Variants in VPS8 observed in about 807,000 individuals in gnomAD.
VPS8 encodes the protein VPS8 subunit of CORVET complex, also known as vacuolar protein sorting-associated protein 8 homolog.
A neutral mutation model predicts 216.4 loss-of-function variants in VPS8; 129 were observed. That is an observed-to-expected ratio of 0.60 (90% CI 0.52 to 0.69). VPS8 has a LOEUF of 0.69. Among genes scored for constraint, VPS8 ranks in the 30% least tolerant of loss-of-function variants. VPS8 has a pLI of 0.00. For synonymous variants in VPS8, 571 were observed against 565.4 expected, an observed-to-expected ratio of 1.01 and a Z score of -0.14; for missense variants, 1,531 against 1,683.5, an observed-to-expected ratio of 0.91 and a Z score of 1.59.
At chr3:184,885,659 C>T (rs774649903) in intron 21 of VPS8, among the ~76,000 whole-genome samples, 3 of 152,000 alleles carry the variant, frequency 2.0e-5, no homozygotes, top group East Asian at 1.9e-4. Flanking sequence ...ATCTGTGAGA[C>T]GAATGCATAT....
At chr3:184,910,832 A>G (rs1440474924) in intron 25 of VPS8, among the ~76,000 whole-genome samples, 2 of 152,114 alleles carry the variant, frequency 1.3e-5, no homozygotes, top group Non-Finnish European at 2.9e-5. Flanking sequence ...TCCTCCCCCA[A>G]ATGAGGCTGA....
rs762240538 is a variant in VPS8 at position 184,853,898 on chromosome 3, T to G, written c.863T>G (p.Phe288Cys). 1.9e-6 allele frequency: 3 copies of G among 1,601,626 alleles called. No individual in the cohort carries two copies. The highest frequency in any genetic ancestry group is 2.6e-6 in the Non-Finnish European group (3 of 1,173,672). ...AGAACCTGTGAATCTAGATGTCTGT[T>G]CAGTGGTTCCAAGGGTGAAGTCTGC... ...GVRTCESRCLFSGSKGEVCCI... is the reference protein window; with the variant it reads ...GVRTCESRCLCSGSKGEVCCI... Residue 288 changes from phenylalanine (F) to cysteine (C), a missense_variant, in exon 12 of 48, where the codon TTC becomes TGC. Physicochemically the swap from Phe to Cys is radical, Grantham distance 205. Coordinates refer to ENST00000625842, the MANE Select transcript of VPS8 (RefSeq NM_001009921.3).
At chr3:184,993,934 T>G (rs996258393) in intron 42 of VPS8, 49 bp from the exon 43 acceptor site, 2 of 1,396,144 alleles carry the variant, frequency 1.4e-6, no homozygotes, top group Admixed American at 2.7e-5. Context: ...CATTTTAAAG[T>G]AATTTTAAAA....
chr3:184,817,953 G>A (rs1043122785), intron 1 of VPS8, among the ~76,000 whole-genome samples: 2 of 152,192 alleles, frequency 1.3e-5, no homozygotes, highest in African/African-American at 4.8e-5. Context: ...GAATTCAGAG[G>A]ATGGTTAGGG....
chr3:184,885,943 GT>G, intron 21 of VPS8, 166 bp from the exon 22 acceptor site: 1 of 600,982 alleles, frequency 1.7e-6, no homozygotes. Context: ...AGGTCAAAAT[GT>G]TCTGTTTTTC....
chr3:184,931,239 G>A (rs955158151), intron 34 of VPS8, among the ~76,000 whole-genome samples: 3 of 151,894 alleles, frequency 2.0e-5, no homozygotes, highest in Non-Finnish European at 4.4e-5. Context: ...TAGCAGTTTT[G>A]TTGAAATCTC....
intron 46 of VPS8, among the ~76,000 whole-genome samples, chr3:185,029,403 A>G (rs1757801481): frequency 6.6e-6 from 1 of 152,208 alleles, no homozygotes; most frequent in Non-Finnish European, 1.5e-5. Flanking sequence ...CCCTGCCAAG[A>G]GCTGGATTCA....
chr3:184,878,680 C>T (rs972161621), intron 21 of VPS8, among the ~76,000 whole-genome samples: 8 of 152,112 alleles, frequency 5.3e-5, no homozygotes, highest in African/African-American at 1.9e-4. Flanking sequence ...ATTGCCCTAT[C>T]CCTGAGGCTT....
chr3:184,985,895 T>C (rs1206696310), intron 42 of VPS8, among the ~76,000 whole-genome samples: 1 of 152,084 alleles, frequency 6.6e-6, no homozygotes, highest in Non-Finnish European at 1.5e-5. Context: ...ATGGATACAA[T>C]GCATAAAGAG....
At chr3:184,886,492 C>T (rs1311775547) in intron 22 of VPS8, among the ~76,000 whole-genome samples, 4 of 150,330 alleles carry the variant, frequency 2.7e-5, no homozygotes, top group Non-Finnish European at 4.4e-5. Context: ...CGCATATATA[C>T]ACACACATAT....
rs1164570895 is a variant in VPS8 at position 184,868,970 on chromosome 3, G to A, written c.1531G>A (p.Asp511Asn). Residue 511 changes from aspartate to asparagine, a missense_variant, in exon 19 of 48, where the codon GAT (aspartate) becomes AAT (asparagine). Coordinates refer to ENST00000625842, the MANE Select transcript of VPS8 (RefSeq NM_001009921.3). ...RERVDHLLKQ[D>N]CLTEALALAW... Reference sequence around the variant, plus strand: ...GAGAGTGGATCATCTCCTGAAACAAGATTGTCTTACAGAAGCGTTGGCTCT... The same window carrying A: ...GAGAGTGGATCATCTCCTGAAACAAAATTGTCTTACAGAAGCGTTGGCTCT... 6.2e-7 allele frequency: 1 copy of A among 1,610,266 alleles called. No individual in the cohort carries two copies. Among genetic ancestry groups the A allele is most frequent in the East Asian group, 2.2e-5 (1 of 44,766 alleles).
chr3:184,997,390 A>C (rs1460537780), intron 44 of VPS8, among the ~76,000 whole-genome samples: 1 of 152,224 alleles, frequency 6.6e-6, no homozygotes, highest in Non-Finnish European at 1.5e-5. Context: ...GGATTGAATG[A>C]GATGATTTAT....
chr3:185,024,089 G>A (rs1757026100), intron 45 of VPS8, among the ~76,000 whole-genome samples: 1 of 152,066 alleles, frequency 6.6e-6, no homozygotes, highest in East Asian at 1.9e-4. Flanking sequence ...TCACCATTTG[G>A]TTAAAACCAA....
chr3:185,002,194 G>T (rs1315520399), intron 45 of VPS8, among the ~76,000 whole-genome samples: 1 of 152,188 alleles, frequency 6.6e-6, no homozygotes, highest in Non-Finnish European at 1.5e-5. Context: ...TTTTTCATTG[G>T]TAAGTGTAAT....
At chr3:184,888,133 GC>G (rs1731642680) in intron 22 of VPS8, among the ~76,000 whole-genome samples, 1 of 151,752 alleles carries the variant, frequency 6.6e-6, no homozygotes, top group African/African-American at 2.4e-5. Context: ...GACTACAGGC[GC>G]CCGCCACCAT....
At chr3:184,982,734 T>C (rs1750421255) in intron 41 of VPS8, 87 bp downstream of exon 41, 4 of 1,098,880 alleles carry the variant, frequency 3.6e-6, no homozygotes, top group Non-Finnish European at 5.3e-6. Context: ...TAATATCTTT[T>C]TCCAATAGCA....
intron 17 of VPS8, 28 bp downstream of exon 17, chr3:184,866,978 A>G (rs1727475032): frequency 1.2e-6 from 2 of 1,603,862 alleles, no homozygotes; most frequent in African/African-American, 1.3e-5. Flanking sequence ...GTGAGTTGGT[A>G]TTTGTATGTA....
At chr3:184,842,919 G>A (rs1722454132) in intron 7 of VPS8, among the ~76,000 whole-genome samples, 1 of 150,410 alleles carries the variant, frequency 6.6e-6, no homozygotes, top group African/African-American at 2.5e-5. Context: ...AGGGTTCTTA[G>A]TTTTCCTCTT....
intron 24 of VPS8, among the ~76,000 whole-genome samples, chr3:184,898,961 A>G (rs1238743862): frequency 6.6e-6 from 1 of 152,128 alleles, no homozygotes; most frequent in African/African-American, 2.4e-5. Flanking sequence ...TTGATACTGC[A>G]GTAACTTTTT....
Sources: allele counts gnomAD v4.1 joint callset (sites outside exome capture counted in the v4.1 genomes callset), GRCh38; gene constraint gnomAD v4.1.1; transcripts MANE v1.5; gene names NCBI Gene and HGNC (gene_info 2026-07-23, HGNC 2026-07-21).